The following ESYT3 variants were observed in gnomAD, a reference collection of about 807,000 sequenced individuals.
ESYT3 encodes the protein extended synaptotagmin 3, also known as extended synaptotagmin-3.
A neutral mutation model predicts 111.5 loss-of-function variants in ESYT3; 101 were observed. The ratio of observed to expected loss-of-function variants is 0.91; its 90% CI spans 0.77 to 1.07. ESYT3 has a LOEUF of 1.07. Among genes scored for constraint, ESYT3 ranks in the 50% least tolerant of loss-of-function variants. The probability of loss-of-function intolerance (pLI) is 0.00; values close to 1 mark genes in which losing one functional copy is unlikely to be tolerated. For missense variants in ESYT3, 1,097 were observed against 1,109.4 expected (o/e 0.99, Z 0.16); for synonymous variants, 416 against 446.8 (o/e 0.93, Z 0.87).
At position 138,476,871 on chromosome 3, in the gene ESYT3, C is replaced by T. The variant is rs777061244; in HGVS notation, c.*17C>T. ...AGAAGCTGATGATGAGAATTCTTATCACTCACCTTTATATTAAAATGTATA... is the reference window on the plus strand; with the variant it reads ...AGAAGCTGATGATGAGAATTCTTATTACTCACCTTTATATTAAAATGTATA... On this transcript the variant is annotated 3_prime_UTR_variant, in exon 23 of 23. Coordinates refer to ENST00000389567, the MANE Select transcript of ESYT3 (RefSeq NM_031913.5). 6.2e-7 allele frequency: 1 copy of T among 1,610,194 alleles called. No individual in the cohort carries two copies.
intron 3 of ESYT3, 132 bp from the exon 4 acceptor site, chr3:138,457,436 C>A: frequency 1.2e-6 from 1 of 808,762 alleles, no homozygotes; most frequent in Non-Finnish European, 2.2e-6. Flanking sequence ...GATAGATTTA[C>A]ATGTCTGTGC....
chr3:138,448,963 TC>T (rs2031744481), intron 1 of ESYT3, among the ~76,000 whole-genome samples: 1 of 152,064 alleles, frequency 6.6e-6, no homozygotes, highest in African/African-American at 2.4e-5. Context: ...TTCAGACTCA[TC>T]CATGATGGGG....
chr3:138,464,671 T>C (rs2032834946), intron 9 of ESYT3, among the ~76,000 whole-genome samples, 156 bp downstream of exon 9: 1 of 152,204 alleles, frequency 6.6e-6, no homozygotes, highest in African/African-American at 2.4e-5. Flanking sequence ...TGGGTTACTC[T>C]GGCCCGACTA....
rs147947620 is a variant in ESYT3, at chr3:138,473,336, C to T, written c.2238-200C>T. The T allele has an allele frequency of 1.2e-3, 760 of 627,760 alleles. 5 individuals carry two copies. The highest frequency in any genetic ancestry group is 0.011 in the African/African-American group (615 of 54,972). The allele number at this position is 627,760 out of a possible 1,614,324, so 38.9% of individuals were successfully genotyped here. A position where few individuals can be genotyped will look rare whatever the true frequency, so the allele number is the denominator to read the frequency against. The stretch of plus-strand genomic sequence containing the variant: ...AAGGCAGATTCCACTTCAGGGTTCC[C>T]GTTCTTCCTACTATGAAGTAGGATA... On this transcript the variant is annotated intron_variant, in intron 18 of 22. Coordinates refer to ENST00000389567, the MANE Select transcript of ESYT3 (RefSeq NM_031913.5).
At chr3:138,465,181 G>A (rs953021860) in intron 9 of ESYT3, among the ~76,000 whole-genome samples, 158 bp from the exon 10 acceptor site, 10 of 152,180 alleles carry the variant, frequency 6.6e-5, no homozygotes, top group Admixed American at 1.3e-4. Flanking sequence ...TCTTCCCCCC[G>A]AAGGGGAGGG....
At chr3:138,461,195 C>T (rs554704184) in intron 7 of ESYT3, among the ~76,000 whole-genome samples, 22 of 152,318 alleles carry the variant, frequency 1.4e-4, no homozygotes, top group African/African-American at 4.1e-4. Context: ...TGTGGACACA[C>T]GAGTGTCCTT....
Position 138,465,419 on chromosome 3 carries a change from C to G in ESYT3, c.1167C>G (p.Gly389=), listed in dbSNP as rs201958697. ...DEDTDRDDFL[G]SLQICLGDVM... The stretch of plus-strand genomic sequence containing the variant: ...ATACCGACAGGGATGACTTCCTGGG[C>G]AGGTGAGGAGGAGGGCGCACAGCTG... Residue 389 remains glycine (G), a splice_region_variant and synonymous_variant, in exon 10 of 23, where the codon GGC becomes GGG. Coordinates refer to ENST00000389567, the MANE Select transcript of ESYT3 (RefSeq NM_031913.5). The G allele has an allele frequency of 5.7e-6, 9 of 1,588,306 alleles. No homozygotes were observed. The East Asian group carries it at 2.0e-4, about 36-fold the overall frequency.
intron 15 of ESYT3, 140 bp from the exon 16 acceptor site, chr3:138,469,914 CTAGCTG>C: frequency 1.7e-6 from 1 of 593,222 alleles, no homozygotes; most frequent in Non-Finnish European, 2.9e-6. Flanking sequence ...GTGCCTCCCA[CTAGCTG>C]TAGCGTGTTT....
chr3:138,450,798 G>T lies in ESYT3; in HGVS notation c.328-1250G>T, dbSNP rs570468662. Among the ~76,000 whole-genome samples, 7 of 152,352 alleles carry T rather than the reference G, an allele frequency of 4.6e-5. No individual in the cohort carries two copies. The South Asian group carries it at 1.4e-3, about 32-fold the overall frequency. On this transcript the variant is annotated intron_variant, in intron 1 of 22. Coordinates refer to ENST00000389567, the MANE Select transcript of ESYT3 (RefSeq NM_031913.5). ...TGGCTCAGGACCTGGCATTTGGTAG[G>T]TGTGCGAACTGCAGGGACACATCTA...
In ESYT3 at chr3:138,476,280, GA is replaced by G; in HGVS notation, c.2531del (p.Asn844IlefsTer13). 1 of 1,614,048 alleles carries G rather than the reference GA, an allele frequency of 6.2e-7. No individual in the cohort carries two copies. Among genetic ancestry groups the G allele is most frequent in the East Asian group, 2.2e-5 (1 of 44,862 alleles). On this transcript the variant is annotated frameshift_variant, in exon 21 of 23. Transcript: ENST00000389567. LOFTEE classifies it high-confidence loss of function. ...VKKRSLDVAV[K>X]NSRPLGSHRR... Reference sequence around the variant, plus strand: ...AGAAGAGGTCACTAGATGTTGCAGTGAAAAATAGTAGGCCACTTGGCTCACA... The same window carrying G: ...AGAAGAGGTCACTAGATGTTGCAGTGAAAATAGTAGGCCACTTGGCTCACA...
At position 138,470,116 on chromosome 3, in the gene ESYT3, C is replaced by A. The variant is rs149595348; in HGVS notation, c.1560C>A (p.His520Gln). The change falls in exon 16 of 23, where the codon CAC (histidine) becomes CAA (glutamine). Residue 520 changes from histidine (H) to glutamine (Q), a missense_variant. Transcript: ENST00000389567. ...VWSQVFSFFVHNVATERLHLK... is the reference protein window; with the variant it reads ...VWSQVFSFFVQNVATERLHLK... ...GCCAGGTGTTCTCCTTCTTTGTGCA[C>A]AATGTGGCCACTGAGCGGCTCCATC... 241 of 1,613,042 alleles carry A rather than the reference C, an allele frequency of 1.5e-4. 2 individuals carry two copies. The East Asian group carries it at 5.3e-3, about 36-fold the overall frequency.
At chr3:138,470,348 AG>A in intron 16 of ESYT3, 1 of 1,281,740 alleles carries the variant, frequency 7.8e-7, no homozygotes, top group Non-Finnish European at 9.9e-7. Flanking sequence ...GGGATGTGGG[AG>A]GATAAATCCT....
Position 138,460,776 on chromosome 3 carries a change from C to T in ESYT3, c.794+110C>T, listed in dbSNP as rs967186859. ...GTGGTGCTTTCCCTCCTGGTGCTCTCTGCAGAGGGAGAAGCATTGGTCTGT... is the reference window on the plus strand; with the variant it reads ...GTGGTGCTTTCCCTCCTGGTGCTCTTTGCAGAGGGAGAAGCATTGGTCTGT... On this transcript the variant is annotated intron_variant, in intron 7 of 22. Coordinates refer to ENST00000389567, the MANE Select transcript of ESYT3 (RefSeq NM_031913.5). 8 of 1,170,362 alleles carry T rather than the reference C, an allele frequency of 6.8e-6. No individual in the cohort carries two copies. The African/African-American group carries it at 7.6e-5, about 11-fold the overall frequency. 72.5% of individuals were successfully genotyped at this position (1,170,362 alleles called of 1,614,324 possible).
At chr3:138,445,173 G>A (rs528866327) in intron 1 of ESYT3, among the ~76,000 whole-genome samples, 1 of 152,250 alleles carries the variant, frequency 6.6e-6, no homozygotes, top group Non-Finnish European at 1.5e-5. Context: ...TGCACTGCCA[G>A]GTGGTGTGGG....
chr3:138,460,494 C>T, intron 6 of ESYT3, 117 bp from the exon 7 acceptor site: 1 of 1,142,012 alleles, frequency 8.8e-7, no homozygotes, highest in Non-Finnish European at 1.3e-6. Context: ...TTCCTCCGAA[C>T]CCCCACCCTG....
chr3:138,455,371 T>C (rs1271964267), intron 3 of ESYT3, 43 bp downstream of exon 3: 2 of 1,607,852 alleles, frequency 1.2e-6, no homozygotes, highest in African/African-American at 2.7e-5. Flanking sequence ...GGCTGTGCAG[T>C]CTTCTCTCTG....
chr3:138,479,413 A>AAGAT lies in ESYT3; in HGVS notation c.*2561_*2564dup. The AAGAT allele has an allele frequency of 6.6e-6, 1 of 152,368 alleles. No homozygotes were observed. Among genetic ancestry groups the AAGAT allele is most frequent in the African/African-American group, 2.4e-5 (1 of 41,592 alleles). 9.4% of individuals were successfully genotyped at this position (152,368 alleles called of 1,614,324 possible). ...AGACCATATCTTATTTAGGAAGCTA[A>AAGAT]AGATACTCATCTTAAAAATATAACT... On this transcript the variant is annotated 3_prime_UTR_variant, in exon 23 of 23. Transcript: ENST00000389567.
At position 138,435,094 on chromosome 3, in the gene ESYT3, G is replaced by A. The variant is rs1477124598; in HGVS notation, c.296G>A (p.Arg99His). The change falls in exon 1 of 23, where the codon CGC becomes CAC. Residue 99 changes from arginine (R) to histidine (H), a missense_variant. Coordinates refer to ENST00000389567, the MANE Select transcript of ESYT3 (RefSeq NM_031913.5). This position sits in a 1 kb window ranked among gnomAD's most constrained non-coding sequence, Gnocchi z 4.8. ...GACAATGAACGCGAGTTCATCAGCCGCGAGCTGCGGGGCCAGCACCTGCCA... is the reference window on the plus strand; with the variant it reads ...GACAATGAACGCGAGTTCATCAGCCACGAGCTGCGGGGCCAGCACCTGCCA... ...FLDNEREFIS[R>H]ELRGQHLPAW... 9 of 1,589,314 alleles carry A rather than the reference G, an allele frequency of 5.7e-6. No individual in the cohort carries two copies. In the African/African-American group the frequency reaches 8.0e-5, roughly 14 times the overall value.
Position 138,434,974 on chromosome 3 carries a change from TA to T in ESYT3, c.178del (p.Thr60ProfsTer73). Reference sequence around the variant, plus strand: ...CTAGCTGGCTACCTGGGGCTCAGCATAACCTGGTTGCTGCTCGGCGCCCTGC... The same window carrying T: ...CTAGCTGGCTACCTGGGGCTCAGCATACCTGGTTGCTGCTCGGCGCCCTGC... ...VYLAGYLGLS[I>X]TWLLLGALLW... is the part of the protein sequence containing the mutation. On this transcript the variant is annotated frameshift_variant, in exon 1 of 23. Transcript: ENST00000389567. LOFTEE classifies it high-confidence loss of function. 1 of 1,556,970 alleles carries T rather than the reference TA, an allele frequency of 6.4e-7. No individual in the cohort carries two copies. The highest frequency in any genetic ancestry group is 8.7e-7 in the Non-Finnish European group (1 of 1,149,560).
Sources: allele counts gnomAD v4.1 joint callset (sites outside exome capture counted in the v4.1 genomes callset), GRCh38; gene constraint gnomAD v4.1.1; non-coding constraint Gnocchi (gnomAD v3.1); transcripts MANE v1.5; gene names NCBI Gene and HGNC (gene_info 2026-07-23, HGNC 2026-07-21).